SNTG1: variants seen among roughly 807,000 people sequenced by gnomAD.
SNTG1 encodes syntrophin gamma 1, also known as gamma-1-syntrophin.
Under a neutral mutation model 74.7 loss-of-function variants are expected in SNTG1, and 39 were observed. That is an observed-to-expected ratio of 0.52 (90% CI 0.40 to 0.68). The LOEUF is 0.68. Ranked by LOEUF, SNTG1 falls within the 30% of genes least tolerant of loss-of-function variation. The pLI, the probability that SNTG1 is intolerant of heterozygous loss-of-function variation, is 0.00. For missense variants in SNTG1, 685 were observed against 609.5 expected, an observed-to-expected ratio of 1.12 and a Z score of -1.30; for synonymous variants, 254 against 217.1, an observed-to-expected ratio of 1.17 and a Z score of -1.49.
intron 18 of SNTG1, among the ~76,000 whole-genome samples, chr8:50,772,319 A>G (rs2095629232): frequency 6.6e-6 from 1 of 152,132 alleles, no homozygotes; most frequent in South Asian, 2.1e-4. Context: ...ATGAAGTAAA[A>G]TAAAATTATC....
At chr8:50,459,801 T>C (rs545146564) in intron 8 of SNTG1, among the ~76,000 whole-genome samples, 3 of 152,338 alleles carry the variant, frequency 2.0e-5, no homozygotes, top group Non-Finnish European at 4.4e-5. Context: ...TCACTTAGGA[T>C]AATAGCCTCC....
intron 18 of SNTG1, among the ~76,000 whole-genome samples, chr8:50,757,823 T>C (rs1275339587): frequency 6.6e-6 from 1 of 151,926 alleles, no homozygotes; most frequent in Non-Finnish European, 1.5e-5. Flanking sequence ...TCTCTCCTTA[T>C]TAGCACAACA....
Position 50,005,955 on chromosome 8 carries a change from C to CTTTT in SNTG1, c.-103+93749_-103+93752dup, listed in dbSNP as rs57041850. The stretch of plus-strand genomic sequence containing the variant: ...TTACTTTTCATTTCCATTACTTGCA[C>CTTTT]TTTTTTTTTTTTTTTTTTTTTTTTT... On this transcript the variant is annotated intron_variant, in intron 1 of 18. Coordinates refer to ENST00000642720, the MANE Select transcript of SNTG1 (RefSeq NM_018967.5). Among the ~76,000 whole-genome samples the CTTTT allele has an allele frequency of 2.2e-5, 2 of 89,398 alleles. 1 individual carries two copies. The highest frequency in any genetic ancestry group is 1.4e-4 in the African/African-American group (2 of 13,818). The allele number at this position is 89,398 out of a possible 152,430, so 58.6% of individuals were successfully genotyped here.
At chr8:50,726,417 A>C (rs2095500208) in intron 17 of SNTG1, among the ~76,000 whole-genome samples, 1 of 152,122 alleles carries the variant, frequency 6.6e-6, no homozygotes, top group African/African-American at 2.4e-5. Flanking sequence ...AAGTTGGGGG[A>C]GCGCTCAAGT....
intron 2 of SNTG1, among the ~76,000 whole-genome samples, chr8:50,319,376 A>ATAAG (rs1430190451): frequency 3.3e-5 from 5 of 152,014 alleles, no homozygotes; most frequent in Admixed American, 6.6e-5. Flanking sequence ...AAATAAATAA[A>ATAAG]TAAATAAACA....
intron 2 of SNTG1, among the ~76,000 whole-genome samples, chr8:50,337,874 C>T (rs541606496): frequency 8.3e-4 from 126 of 152,300 alleles, no homozygotes; most frequent in Middle Eastern, 3.4e-3. Context: ...CAGTGGCTCA[C>T]GCCTGTAATC....
intron 1 of SNTG1, among the ~76,000 whole-genome samples, chr8:50,021,819 T>C (rs1816841988): frequency 1.3e-5 from 2 of 151,628 alleles, no homozygotes; most frequent in South Asian, 2.1e-4. Context: ...CTTGTGCTTG[T>C]AGCCCCAGCT....
intron 2 of SNTG1, among the ~76,000 whole-genome samples, chr8:50,380,085 A>G (rs573347363): frequency 6.6e-6 from 1 of 152,366 alleles, no homozygotes; most frequent in Non-Finnish European, 1.5e-5. Context: ...GACTCTTACA[A>G]GAGAAGCAAA....
intron 12 of SNTG1, among the ~76,000 whole-genome samples, chr8:50,587,505 A>G (rs1421513067): frequency 1.3e-5 from 2 of 152,170 alleles, no homozygotes; most frequent in Non-Finnish European, 2.9e-5. Flanking sequence ...CTGTGTGTGT[A>G]TATTTAAAAA....
chr8:50,358,902 T>C (rs1587300659), intron 2 of SNTG1, among the ~76,000 whole-genome samples: 1 of 152,304 alleles, frequency 6.6e-6, no homozygotes, highest in East Asian at 1.9e-4. Context: ...TATTGTTCCA[T>C]GTAAGTTAAC....
At chr8:50,155,558 T>C (rs988507669) in intron 1 of SNTG1, among the ~76,000 whole-genome samples, 1 of 152,072 alleles carries the variant, frequency 6.6e-6, no homozygotes, top group Non-Finnish European at 1.5e-5. Flanking sequence ...TATTCTATAA[T>C]GTTTAGAAAT....
intron 1 of SNTG1, among the ~76,000 whole-genome samples, chr8:49,987,453 C>G (rs73569374): frequency 0.022 from 3,403 of 152,072 alleles, 124 homozygotes; most frequent in African/African-American, 0.076. Flanking sequence ...TCACAACAAC[C>G]TCAAAATCTG....
intron 1 of SNTG1, among the ~76,000 whole-genome samples, chr8:50,050,410 A>G (rs925811390): frequency 3.3e-5 from 5 of 151,964 alleles, no homozygotes; most frequent in African/African-American, 1.2e-4. Flanking sequence ...GCAGAAACAG[A>G]GAACCTGAAT....
chr8:50,191,561 GT>G (rs1164434612), intron 2 of SNTG1, among the ~76,000 whole-genome samples: 6 of 151,974 alleles, frequency 3.9e-5, no homozygotes, highest in African/African-American at 1.5e-4. Flanking sequence ...AACTGTTCTT[GT>G]TTTTTAAAAA....
At chr8:50,432,995 G>T (rs551353599) in intron 4 of SNTG1, among the ~76,000 whole-genome samples, 1 of 151,872 alleles carries the variant, frequency 6.6e-6, no homozygotes, top group African/African-American at 2.4e-5. Flanking sequence ...TCACCATGTC[G>T]GCCAGGCTGG....
intron 1 of SNTG1, among the ~76,000 whole-genome samples, chr8:49,946,290 C>T (rs79112161): frequency 2.0e-4 from 30 of 152,174 alleles, no homozygotes; most frequent in African/African-American, 6.3e-4. Flanking sequence ...TATAAAAGTC[C>T]GTTACTATAA....
At chr8:50,446,130 C>T (rs2093404950) in intron 5 of SNTG1, among the ~76,000 whole-genome samples, 1 of 152,130 alleles carries the variant, frequency 6.6e-6, no homozygotes, top group Admixed American at 6.5e-5. Context: ...AGCCTATCAC[C>T]TGTTTTAAAC....
chr8:50,415,100 T>C (rs555142250), intron 4 of SNTG1, among the ~76,000 whole-genome samples: 20 of 152,172 alleles, frequency 1.3e-4, no homozygotes, highest in South Asian at 2.1e-4. Context: ...TCTTTCTGTG[T>C]AAAATTAGAA....
chr8:49,938,946 C>T (rs1394407361), intron 1 of SNTG1, among the ~76,000 whole-genome samples: 4 of 151,836 alleles, frequency 2.6e-5, no homozygotes, highest in African/African-American at 9.7e-5. Context: ...CAGTGGTGCC[C>T]TATCACGTTT....
Sources: allele counts gnomAD v4.1 joint callset (sites outside exome capture counted in the v4.1 genomes callset), GRCh38; gene constraint gnomAD v4.1.1; transcripts MANE v1.5; gene names NCBI Gene and HGNC (gene_info 2026-07-23, HGNC 2026-07-21).